Variants in TRAPPC12 observed in about 807,000 individuals in gnomAD.
TRAPPC12 encodes the protein trafficking protein particle complex subunit 12, also known as TPR repeat protein 15.
In TRAPPC12, 61 loss-of-function variants were observed where a neutral mutation model predicts 69.2. The observed-to-expected ratio is 0.88, with a 90% CI of 0.72 to 1.09. The LOEUF is 1.09. Ranked by LOEUF, TRAPPC12 falls within the 50% of genes least tolerant of loss-of-function variation. The pLI is 0.00. For synonymous variants in TRAPPC12, 469 were observed against 438.9 expected (o/e 1.07, Z -0.86); for missense variants, 1,101 against 1,016.4 (o/e 1.08, Z -1.13).
At chr2:3,429,577 C>G (rs1055284768) in intron 5 of TRAPPC12, among the ~76,000 whole-genome samples, 6 of 152,220 alleles carry the variant, frequency 3.9e-5, no homozygotes, top group African/African-American at 1.4e-4. Context: ...AGTACTCTTG[C>G]ATTGCACAGG....
intron 3 of TRAPPC12, 118 bp from the exon 4 acceptor site, chr2:3,421,763 C>T: frequency 1.1e-6 from 1 of 899,238 alleles, no homozygotes; most frequent in Non-Finnish European, 1.8e-6. Context: ...TTACTAACGG[C>T]TGGCTGGCGC....
chr2:3,435,871 G>A (rs1018004109), intron 5 of TRAPPC12, among the ~76,000 whole-genome samples: 1 of 152,164 alleles, frequency 6.6e-6, no homozygotes, highest in African/African-American at 2.4e-5. Context: ...TATAATGAAG[G>A]CACTGTATAG....
At chr2:3,464,912 C>T (rs1665722383) in intron 8 of TRAPPC12, among the ~76,000 whole-genome samples, 1 of 152,228 alleles carries the variant, frequency 6.6e-6, no homozygotes, top group Non-Finnish European at 1.5e-5. Context: ...ACAGGCAGGG[C>T]AGAGCGATGA....
chr2:3,439,525 A>T (rs997288961), intron 5 of TRAPPC12, among the ~76,000 whole-genome samples: 7 of 151,922 alleles, frequency 4.6e-5, no homozygotes, highest in Admixed American at 1.3e-4. Flanking sequence ...GATCCCAGGC[A>T]TCAGCCACCA....
At chr2:3,389,892 CAGG>C (rs1438887027) in intron 2 of TRAPPC12, 2 of 433,238 alleles carry the variant, frequency 4.6e-6, no homozygotes, top group Admixed American at 5.0e-5. Flanking sequence ...GTGGCTGGCT[CAGG>C]GGCTTTTTTG....
In TRAPPC12 at chr2:3,443,878, CTG is replaced by C; in HGVS notation, c.1519_1520del (p.Val507LeufsTer93). Reference sequence around the variant, plus strand: ...CTGGATAGACTGCACAAGGTGAAGACTGTCTGCAGCAAGGTAGGTGGCGCTGT... The same window carrying C: ...CTGGATAGACTGCACAAGGTGAAGACTCTGCAGCAAGGTAGGTGGCGCTGT... On this transcript the variant is annotated frameshift_variant, in exon 6 of 12. Coordinates refer to ENST00000324266, the MANE Select transcript of TRAPPC12 (RefSeq NM_016030.6). LOFTEE classifies it high-confidence loss of function. 1 of 1,613,676 alleles carries C rather than the reference CTG, an allele frequency of 6.2e-7. No individual in the cohort carries two copies. The highest frequency in any genetic ancestry group is 8.5e-7 in the Non-Finnish European group (1 of 1,179,732).
intron 5 of TRAPPC12, among the ~76,000 whole-genome samples, chr2:3,425,034 C>G (rs147228810): frequency 6.6e-6 from 1 of 152,240 alleles, no homozygotes; most frequent in African/African-American, 2.4e-5. Context: ...CAAACGTGTC[C>G]GTGCATATGG....
intron 9 of TRAPPC12, among the ~76,000 whole-genome samples, chr2:3,476,063 G>T (rs568670780): frequency 2.6e-5 from 4 of 152,188 alleles, no homozygotes; most frequent in Admixed American, 6.5e-5. Flanking sequence ...GTGGGAAATC[G>T]ATAGTAGTGG....
chr2:3,449,594 G>A (rs915764307), intron 6 of TRAPPC12: 1 of 152,224 alleles, frequency 6.6e-6, no homozygotes, highest in African/African-American at 2.4e-5. Flanking sequence ...TGTAGGAAGA[G>A]TTAATATCTT....
chr2:3,455,781 T>C (rs1213430350), intron 6 of TRAPPC12: 1 of 152,294 alleles, frequency 6.6e-6, no homozygotes, highest in Admixed American at 6.5e-5. Context: ...TTCCAAGTCT[T>C]GGCTGTTGTG....
intron 1 of TRAPPC12, among the ~76,000 whole-genome samples, chr2:3,385,380 T>C (rs1341132755): frequency 1.3e-5 from 2 of 152,184 alleles, no homozygotes; most frequent in African/African-American, 4.8e-5. Context: ...CAGGTATTAA[T>C]GAAAATTTTG....
At chr2:3,409,144 C>T (rs1399317246) in intron 3 of TRAPPC12, among the ~76,000 whole-genome samples, 1 of 152,226 alleles carries the variant, frequency 6.6e-6, no homozygotes, top group Non-Finnish European at 1.5e-5. Flanking sequence ...TTAAGACTCT[C>T]TTCAGAAACT....
intron 5 of TRAPPC12, among the ~76,000 whole-genome samples, chr2:3,442,234 T>G (rs1271035790): frequency 6.6e-6 from 1 of 152,228 alleles, no homozygotes; most frequent in African/African-American, 2.4e-5. Context: ...TTTGAGAACT[T>G]CCAGTAGAGG....
intron 2 of TRAPPC12, among the ~76,000 whole-genome samples, chr2:3,390,122 G>A (rs1431991368): frequency 6.6e-6 from 1 of 152,194 alleles, no homozygotes; most frequent in African/African-American, 2.4e-5. Context: ...GGGACTTGCA[G>A]CTAGGCTTTA....
intron 6 of TRAPPC12, among the ~76,000 whole-genome samples, chr2:3,445,265 A>G (rs951409995): frequency 1.3e-5 from 2 of 152,190 alleles, no homozygotes. Context: ...CATGCCTGTA[A>G]TCCCAGCTAC....
intron 2 of TRAPPC12, among the ~76,000 whole-genome samples, chr2:3,399,062 C>T (rs919710026): frequency 6.6e-6 from 1 of 152,246 alleles, no homozygotes; most frequent in African/African-American, 2.4e-5. Context: ...AGCCACACAG[C>T]AAGGGCGAGG....
Position 3,387,717 on chromosome 2 carries a change from C to G in TRAPPC12, c.94C>G (p.Gln32Glu). 6.3e-7 allele frequency: 1 copy of G among 1,599,726 alleles called. No individual in the cohort carries two copies. Among genetic ancestry groups the G allele is most frequent in the African/African-American group, 1.3e-5 (1 of 74,552 alleles). Residue 32 changes from glutamine (Q) to glutamate (E), a missense_variant, in exon 2 of 12, where the codon CAG becomes GAG. Physicochemically the swap from Gln to Glu is conservative, Grantham distance 29 (BLOSUM62 2). Coordinates refer to ENST00000324266, the MANE Select transcript of TRAPPC12 (RefSeq NM_016030.6). ...APPEEQGLLF[Q>E]EETIDLGGDE... ...TCCGGAGGAGCAGGGGTTGCTCTTCCAGGAGGAAACCATCGATCTTGGCGG... is the reference window on the plus strand; with the variant it reads ...TCCGGAGGAGCAGGGGTTGCTCTTCGAGGAGGAAACCATCGATCTTGGCGG...
At chr2:3,428,551 GAC>G (rs1663247729) in intron 5 of TRAPPC12, among the ~76,000 whole-genome samples, 1 of 152,144 alleles carries the variant, frequency 6.6e-6, no homozygotes, top group Admixed American at 6.5e-5. Context: ...TTCATAACAA[GAC>G]ATGTAATGAA....
chr2:3,460,786 G>C (rs1020758580), intron 8 of TRAPPC12: 2 of 157,636 alleles, frequency 1.3e-5, no homozygotes, highest in African/African-American at 4.8e-5. Flanking sequence ...CTCTCAGCCC[G>C]CAGGGAAACA....
Sources: allele counts gnomAD v4.1 joint callset (sites outside exome capture counted in the v4.1 genomes callset), GRCh38; gene constraint gnomAD v4.1.1; transcripts MANE v1.5; gene names NCBI Gene and HGNC (gene_info 2026-07-23, HGNC 2026-07-21).